NME7: variants seen among roughly 807,000 people sequenced by gnomAD.
NME7 encodes nucleoside diphosphate kinase 7.
In NME7, 41 loss-of-function variants were observed where a neutral mutation model predicts 49.1. The observed-to-expected ratio is 0.83, with a 90% CI of 0.65 to 1.08. The LOEUF (loss-of-function observed/expected upper bound fraction) is 1.08, where lower values mean the gene tolerates loss of function less well. Among genes scored for constraint, NME7 ranks in the 50% least tolerant of loss-of-function variants. The probability of loss-of-function intolerance (pLI) is 0.00; values close to 1 mark genes in which losing one functional copy is unlikely to be tolerated. For synonymous variants in NME7, 139 were observed against 150.6 expected (o/e 0.92, Z 0.56); for missense variants, 423 against 463.4 (o/e 0.91, Z 0.80).
intron 7 of NME7, among the ~76,000 whole-genome samples, chr1:169,273,653 T>G (rs1160531156): frequency 2.3e-5 from 3 of 128,082 alleles, no homozygotes; most frequent in African/African-American, 7.9e-5. Context: ...GATGTTCCCC[T>G]TCCTGTGTCC....
chr1:169,230,680 T>C (rs898002433), intron 10 of NME7, 38 bp downstream of exon 10: 6 of 1,413,128 alleles, frequency 4.2e-6, no homozygotes, highest in Non-Finnish European at 5.8e-6. Flanking sequence ...AGTGAATAGA[T>C]AACACAAACT....
intron 10 of NME7, among the ~76,000 whole-genome samples, chr1:169,192,064 CA>C (rs1187141193): frequency 1.3e-5 from 2 of 152,106 alleles, no homozygotes; most frequent in African/African-American, 2.4e-5. Flanking sequence ...GAGCATTTTT[CA>C]AGTATTGGAG....
At chr1:169,301,081 G>A (rs868283336) in intron 5 of NME7, among the ~76,000 whole-genome samples, 4 of 151,612 alleles carry the variant, frequency 2.6e-5, no homozygotes, top group Admixed American at 2.6e-4. Context: ...AAAAATTGAC[G>A]AGTGGGACTA....
chr1:169,134,921 T>G (rs977124733), intron 11 of NME7, among the ~76,000 whole-genome samples: 2 of 143,118 alleles, frequency 1.4e-5, no homozygotes, highest in African/African-American at 5.2e-5. Context: ...CATGCCTGTA[T>G]CCTAACACTT....
intron 10 of NME7, among the ~76,000 whole-genome samples, chr1:169,218,196 T>G (rs1443098379): frequency 6.6e-6 from 1 of 152,198 alleles, no homozygotes; most frequent in Non-Finnish European, 1.5e-5. Flanking sequence ...CACTTTTAGT[T>G]TCTTACCGTA....
chr1:169,147,761 T>C (rs1442361712), intron 11 of NME7, among the ~76,000 whole-genome samples: 2 of 152,210 alleles, frequency 1.3e-5, no homozygotes, highest in Non-Finnish European at 2.9e-5. Context: ...AAGTAACGAC[T>C]ATAGTAGTTT....
At chr1:169,243,889 A>G (rs1482625290) in intron 7 of NME7, among the ~76,000 whole-genome samples, 1 of 152,180 alleles carries the variant, frequency 6.6e-6, no homozygotes, top group Non-Finnish European at 1.5e-5. Context: ...ATATTCAAGG[A>G]TTAAACAATA....
At chr1:169,318,383 A>G (rs1651731603) in intron 3 of NME7, among the ~76,000 whole-genome samples, 1 of 152,204 alleles carries the variant, frequency 6.6e-6, no homozygotes, top group South Asian at 2.1e-4. Flanking sequence ...TGTTTTAAGG[A>G]GGAATGTAAA....
chr1:169,201,288 G>A (rs1660543702), intron 10 of NME7, among the ~76,000 whole-genome samples: 1 of 151,932 alleles, frequency 6.6e-6, no homozygotes, highest in African/African-American at 2.4e-5. Flanking sequence ...AGACAGAAAG[G>A]GGCAAGACCA....
At chr1:169,246,892 C>T (rs1196108212) in intron 7 of NME7, 1 of 394,352 alleles carries the variant, frequency 2.5e-6, no homozygotes, top group African/African-American at 2.1e-5. Context: ...TATAACAACA[C>T]CTTTGTAGAT....
At chr1:169,288,174 C>T (rs1042184101) in intron 6 of NME7, among the ~76,000 whole-genome samples, 1 of 152,142 alleles carries the variant, frequency 6.6e-6, no homozygotes, top group Non-Finnish European at 1.5e-5. Context: ...TGCCTCCTTC[C>T]GGCAACCTTT....
intron 11 of NME7, among the ~76,000 whole-genome samples, chr1:169,138,564 A>C (rs1365063629): frequency 6.6e-6 from 1 of 151,614 alleles, no homozygotes; most frequent in East Asian, 2.0e-4. Flanking sequence ...TTAACAACAA[A>C]AAAAATTAGC....
In NME7 at chr1:169,312,342, A is replaced by G. The variant is rs114986925; in HGVS notation, c.279-2262T>C. 4.7e-3 allele frequency among the ~76,000 whole-genome samples: 709 copies of G among 152,290 alleles called. 6 individuals are homozygous for G. The highest frequency in any genetic ancestry group is 7.7e-3 in the Admixed American group (118 of 15,294). On this transcript the variant is annotated intron_variant, in intron 3 of 11. Coordinates refer to ENST00000367811, the MANE Select transcript of NME7 (RefSeq NM_013330.5). Reference sequence around the variant, plus strand: ...ATTTTTGCTGACATATCTTTGGCCAATGCAAGTCACGTGGTCAAGCTCAGA... The same window carrying G: ...ATTTTTGCTGACATATCTTTGGCCAGTGCAAGTCACGTGGTCAAGCTCAGA...
intron 9 of NME7, among the ~76,000 whole-genome samples, chr1:169,233,503 G>A (rs1018458563): frequency 2.6e-5 from 4 of 152,226 alleles, no homozygotes; most frequent in Admixed American, 2.6e-4. Flanking sequence ...CCATTTTCAT[G>A]ACTTTGAGGA....
At chr1:169,261,662 G>C (rs1003770687) in intron 7 of NME7, among the ~76,000 whole-genome samples, 2 of 133,522 alleles carry the variant, frequency 1.5e-5, no homozygotes, top group African/African-American at 5.1e-5. Flanking sequence ...GCTTGACTCT[G>C]ATGATGGCAG....
intron 10 of NME7, among the ~76,000 whole-genome samples, chr1:169,212,348 T>C (rs1171910221): frequency 1.3e-5 from 2 of 152,096 alleles, no homozygotes; most frequent in East Asian, 1.9e-4. Flanking sequence ...TTAAAAAACA[T>C]AGAAAATATA....
chr1:169,214,038 G>C (rs1373141950), intron 10 of NME7, among the ~76,000 whole-genome samples: 1 of 152,150 alleles, frequency 6.6e-6, no homozygotes, highest in African/African-American at 2.4e-5. Flanking sequence ...GATCTATACA[G>C]TTAATTATAC....
At chr1:169,169,080 T>A (rs4656657) in intron 11 of NME7, 164,970 of 459,808 alleles carry the variant, frequency 0.36, 31,815 homozygotes, top group East Asian at 0.72. Context: ...CAGAAAAAAA[T>A]ATCTAAATTC....
intron 10 of NME7, among the ~76,000 whole-genome samples, chr1:169,186,272 A>T (rs1024906873): frequency 1.3e-5 from 2 of 152,148 alleles, no homozygotes; most frequent in African/African-American, 4.8e-5. Flanking sequence ...CAAATAACAA[A>T]ATAGCACCAC....
Sources: gnomAD v4.1 joint callset for allele counts (sites outside exome capture counted in the v4.1 genomes callset) on GRCh38, gnomAD v4.1.1 for gene constraint, MANE v1.5 for transcripts, NCBI Gene and HGNC (gene_info 2026-07-23, HGNC 2026-07-21) for gene names.